The following FRAS1 variants were observed in gnomAD, a reference collection of about 807,000 sequenced individuals.
FRAS1 encodes the protein extracellular matrix organizing protein FRAS1.
Under a neutral mutation model 435.2 loss-of-function variants are expected in FRAS1, and 290 were observed. That is an observed-to-expected ratio of 0.67 (90% CI 0.61 to 0.73). The LOEUF (loss-of-function observed/expected upper bound fraction) is 0.73, where lower values mean the gene tolerates loss of function less well. FRAS1 is among the 30% of genes least tolerant of loss of function. FRAS1 has a pLI of 0.00. For synonymous variants in FRAS1, 1,800 were observed against 1,851.0 expected (o/e 0.97, Z 0.71); for missense variants, 4,860 against 5,001.5 (o/e 0.97, Z 0.85).
intron 72 of FRAS1, 71 bp downstream of exon 72, chr4:78,537,271 C>T (rs1721914638): frequency 2.9e-6 from 4 of 1,381,362 alleles, no homozygotes; most frequent in Non-Finnish European, 4.0e-6. Context: ...ATGACTTCTG[C>T]CTAAAGTAGA....
At chr4:78,246,900 TGA>T (rs774583043) in intron 4 of FRAS1, among the ~76,000 whole-genome samples, 2 of 152,230 alleles carry the variant, frequency 1.3e-5, no homozygotes, top group Non-Finnish European at 2.9e-5. Flanking sequence ...TTAAGATGCC[TGA>T]GAATATTGAC....
intron 2 of FRAS1, among the ~76,000 whole-genome samples, chr4:78,198,047 G>C (rs1236625691): frequency 1.3e-5 from 2 of 152,096 alleles, no homozygotes; most frequent in East Asian, 1.9e-4. Context: ...TCTGATTTCA[G>C]CTCTTTATTT....
At chr4:78,186,456 G>A (rs1722272919) in intron 2 of FRAS1, among the ~76,000 whole-genome samples, 2 of 152,088 alleles carry the variant, frequency 1.3e-5, no homozygotes, top group Non-Finnish European at 2.9e-5. Flanking sequence ...GTATTAATTT[G>A]GAGCCACCGT....
chr4:78,239,735 A>G (rs1724922048), intron 3 of FRAS1, among the ~76,000 whole-genome samples: 1 of 152,160 alleles, frequency 6.6e-6, no homozygotes, highest in Non-Finnish European at 1.5e-5. Flanking sequence ...TTTCAGAGGG[A>G]ACAGCAAAGT....
At chr4:78,233,658 A>G (rs1350931695) in intron 2 of FRAS1, among the ~76,000 whole-genome samples, 2 of 152,218 alleles carry the variant, frequency 1.3e-5, no homozygotes, top group Non-Finnish European at 2.9e-5. Context: ...GATGCTTTCA[A>G]TAAACTTATT....
At chr4:78,411,250 A>G (rs1419147602) in intron 31 of FRAS1, among the ~76,000 whole-genome samples, 1 of 151,872 alleles carries the variant, frequency 6.6e-6, no homozygotes, top group Non-Finnish European at 1.5e-5. Context: ...AGCTGGGATT[A>G]TAGGTGCCCG....
intron 2 of FRAS1, chr4:78,182,147 G>T: frequency 1.2e-6 from 1 of 813,118 alleles, no homozygotes; most frequent in Non-Finnish European, 1.9e-6. Flanking sequence ...GGGCCAAGAT[G>T]GAAGCAGGTA....
intron 2 of FRAS1, among the ~76,000 whole-genome samples, chr4:78,101,794 T>A (rs920470068): frequency 6.6e-6 from 1 of 152,232 alleles, no homozygotes; most frequent in Admixed American, 6.5e-5. Flanking sequence ...GACCTGACAT[T>A]CTGGCAGAGC....
chr4:78,079,012 G>A (rs1324066693), intron 2 of FRAS1, among the ~76,000 whole-genome samples: 1 of 152,154 alleles, frequency 6.6e-6, no homozygotes, highest in African/African-American at 2.4e-5. Flanking sequence ...TTACCTAAAT[G>A]TCTCTATTAG....
intron 51 of FRAS1, 147 bp downstream of exon 51, chr4:78,470,238 G>A (rs10018235): frequency 0.27 from 165,050 of 607,960 alleles, 25,882 homozygotes; most frequent in South Asian, 0.51. Flanking sequence ...AGTGAGCTCC[G>A]TGAGTTTGGT....
intron 2 of FRAS1, among the ~76,000 whole-genome samples, chr4:78,092,710 T>C (rs772851902): frequency 5.3e-5 from 8 of 152,204 alleles, no homozygotes; most frequent in Non-Finnish European, 8.8e-5. Flanking sequence ...TCCGTGGTCC[T>C]AGGGAGACAT....
intron 47 of FRAS1, among the ~76,000 whole-genome samples, chr4:78,456,292 A>T (rs1362305300): frequency 4.6e-5 from 7 of 151,414 alleles, no homozygotes; most frequent in African/African-American, 1.7e-4. Flanking sequence ...ACAGGCACAC[A>T]CCCCCACACC....
At chr4:78,506,179 G>A (rs1720834236) in intron 61 of FRAS1, among the ~76,000 whole-genome samples, 1 of 152,238 alleles carries the variant, frequency 6.6e-6, no homozygotes, top group Admixed American at 6.5e-5. Context: ...ACTGGGAGAT[G>A]TCTCCCAGTT....
chr4:78,113,963 T>C (rs545313730), intron 2 of FRAS1, among the ~76,000 whole-genome samples: 681 of 152,318 alleles, frequency 4.5e-3, no homozygotes, highest in Non-Finnish European at 6.6e-3. Flanking sequence ...TGGTTTTAGG[T>C]CTAACATGTA....
intron 54 of FRAS1, among the ~76,000 whole-genome samples, chr4:78,477,439 A>T (rs1719883648): frequency 6.6e-6 from 1 of 152,182 alleles, no homozygotes; most frequent in African/African-American, 2.4e-5. Context: ...TGAGAACAGA[A>T]CTTCATACTC....
At chr4:78,383,177 A>G (rs185726028) in intron 27 of FRAS1, among the ~76,000 whole-genome samples, 38 of 152,046 alleles carry the variant, frequency 2.5e-4, no homozygotes, top group Non-Finnish European at 5.0e-4. Flanking sequence ...TTTTATTACT[A>G]ATTGGGACTT....
intron 60 of FRAS1, among the ~76,000 whole-genome samples, chr4:78,498,422 C>T (rs1720572226): frequency 6.6e-6 from 1 of 151,894 alleles, no homozygotes; most frequent in Non-Finnish European, 1.5e-5. Flanking sequence ...AGGAGAATCG[C>T]TCAAACCCAG....
intron 1 of FRAS1, among the ~76,000 whole-genome samples, chr4:78,059,492 G>T (rs1464356523): frequency 2.0e-5 from 3 of 147,806 alleles, no homozygotes; most frequent in Non-Finnish European, 3.0e-5. Flanking sequence ...TTATGTGCGT[G>T]TGGGCGCGTA....
At chr4:78,323,830 T>C (rs1000381942) in intron 18 of FRAS1, among the ~76,000 whole-genome samples, 1 of 152,142 alleles carries the variant, frequency 6.6e-6, no homozygotes. Flanking sequence ...TCTACTATGG[T>C]TGAAGGATTT....
Sources: gnomAD v4.1 joint callset for allele counts (sites outside exome capture counted in the v4.1 genomes callset) on GRCh38, gnomAD v4.1.1 for gene constraint, MANE v1.5 for transcripts, NCBI Gene and HGNC (gene_info 2026-07-23, HGNC 2026-07-21) for gene names.